The following PREB variants were observed in gnomAD, a reference collection of about 807,000 sequenced individuals.
The protein encoded by PREB is prolactin regulatory element binding.
In PREB, 29 loss-of-function variants were observed where a neutral mutation model predicts 46.7. The ratio of observed to expected loss-of-function variants is 0.62; its 90% confidence interval spans 0.46 to 0.85. The LOEUF is 0.85. Among genes scored for constraint, PREB ranks in the 40% least tolerant of loss-of-function variants. PREB has a pLI of 0.00. For missense variants in PREB, 494 were observed against 528.4 expected (o/e 0.93, Z 0.64); for synonymous variants, 224 against 220.1 (o/e 1.02, Z -0.16).
In PREB at chr2:27,132,140, C is replaced by T; in HGVS notation, c.927-58G>A. 6.2e-7 allele frequency: 1 copy of T among 1,609,406 alleles called. No individual in the cohort carries two copies. The highest frequency in any genetic ancestry group is 8.5e-7 in the Non-Finnish European group (1 of 1,175,762). On this transcript the variant is annotated intron_variant, in intron 6 of 8. Transcript: ENST00000260643. This position sits in a 1 kb window ranked among gnomAD's most constrained non-coding sequence, Gnocchi z 4.0. ...GAGGCTTGTGCAGCAACCCTCATAC[C>T]CCAATACCGGTCCGTAGGGACCCAG...
At chr2:27,131,567 G>C in intron 8 of PREB, 59 bp from the exon 9 acceptor site, 1 of 1,598,678 alleles carries the variant, frequency 6.3e-7, no homozygotes, top group Admixed American at 1.7e-5. Context: ...CTGAAAACCA[G>C]AACCCTTCAA....
In PREB at chr2:27,134,609, G is replaced by A. The variant is rs1322529907; in HGVS notation, c.-188C>T. 6.8e-6 allele frequency: 9 copies of A among 1,314,126 alleles called. No homozygotes were observed. Among genetic ancestry groups the A allele is most frequent in the Non-Finnish European group, 4.8e-6 (5 of 1,035,942 alleles). The allele number at this position is 1,314,126 out of a possible 1,614,324, so 81.4% of individuals were successfully genotyped here. A position where few individuals can be genotyped will look rare whatever the true frequency, so the allele number is the denominator to read the frequency against. ...GGAAGCCGAGCCTCAGCTCGGCTCC[G>A]TCCAAGTCGGTCTCGCAGACGCGCA... On this transcript the variant is annotated 5_prime_UTR_variant, in exon 1 of 9. In the 5' UTR this introduces an upstream ATG that the reference lacks. Transcript: ENST00000260643.
rs772342540 is a variant in PREB at position 27,131,748 on chromosome 2, G to A, written c.1083C>T (p.Leu361=). The part of the protein sequence containing the change: ...FLPEKGRGPE[L]LGSHETALFS... ...ACAGGGCAGTTTCATGGGACCCAAGGAGCTCTGGACCACGACCCTTCTCAG... is the reference window on the plus strand; with the variant it reads ...ACAGGGCAGTTTCATGGGACCCAAGAAGCTCTGGACCACGACCCTTCTCAG... Residue 361 remains leucine (L), a synonymous_variant, in exon 8 of 9, where the codon CTC becomes CTT. Transcript: ENST00000260643. 6.2e-7 allele frequency: 1 copy of A among 1,614,090 alleles called. No individual in the cohort carries two copies. Among genetic ancestry groups the A allele is most frequent in the Non-Finnish European group, 8.5e-7 (1 of 1,179,972 alleles).
Position 27,132,326 on chromosome 2 carries a change from G to A in PREB, c.830C>T (p.Pro277Leu). 1.9e-6 allele frequency: 3 copies of A among 1,614,112 alleles called. No individual in the cohort carries two copies. The highest frequency in any genetic ancestry group is 1.7e-6 in the Non-Finnish European group (2 of 1,179,996). Residue 277 changes from proline (P) to leucine (L), a missense_variant, in exon 6 of 9, where the codon CCC becomes CTC. Pro to Leu is a moderately conservative substitution (Grantham distance 98, BLOSUM62 -3). Coordinates refer to ENST00000260643, the MANE Select transcript of PREB (RefSeq NM_013388.6). The surrounding 1 kb of genome is among the most constrained non-coding windows in gnomAD (Gnocchi z 4.0). ...CCAGGCTGTGAGGTAGCAGGGAGGG[G>A]GCTGGCGCAGGCGCTTGTGGGGAAT... ...VQIPHKRLRQ[P>L]PPCYLTAWDG...
In PREB at chr2:27,133,270, T is replaced by C. The variant is rs1277158256; in HGVS notation, c.393A>G (p.Glu131=). 6.2e-7 allele frequency: 1 copy of C among 1,614,218 alleles called. No individual in the cohort carries two copies. The highest frequency in any genetic ancestry group is 1.7e-5 in the Admixed American group (1 of 60,026). ...TGAGTTCTAGCCCCTCGTGCTGGGT[T>C]TCCGCTCCACATTTCTTCTCTGCTG... ...AAPAEKKCGA[E]TQHEGLELRV... is the part of the protein sequence containing the mutation. The change falls in exon 3 of 9, where the codon GAA becomes GAG. Residue 131 remains glutamate, a synonymous_variant. Coordinates refer to ENST00000260643, the MANE Select transcript of PREB (RefSeq NM_013388.6).
rs768682536 is a variant in PREB, at chr2:27,131,482, G to A, written c.1186C>T (p.Leu396=). The change falls in exon 9 of 9, where the codon CTG becomes TTG. Residue 396 remains leucine (L), a synonymous_variant. Transcript: ENST00000260643. ...RRSVPVWLLL[L]LCVGLIIVTI... ...ACAATAATAAGCCCGACACACAGCA[G>A]GAGCAGGAGCCACACAGGAACACTC... 5.1e-6 allele frequency: 8 copies of A among 1,583,102 alleles called. No individual in the cohort carries two copies. In the Admixed American group the frequency reaches 1.3e-4, roughly 25 times the overall value.
chr2:27,131,576 AAAGGAGGAGTGGCAC>A, intron 8 of PREB, 68 bp from the exon 9 acceptor site: 1 of 1,596,876 alleles, frequency 6.3e-7, no homozygotes, highest in Non-Finnish European at 8.6e-7. Context: ...AGAACCCTTC[AAAGGAGGAGTGGCAC>A]AAAGAGCCCA....
In PREB at chr2:27,133,294, T is replaced by TG; in HGVS notation, c.368dup (p.Ala124SerfsTer29). The TG allele has an allele frequency of 6.2e-7, 1 of 1,614,236 alleles. No individual in the cohort carries two copies. The highest frequency in any genetic ancestry group is 8.5e-7 in the Non-Finnish European group (1 of 1,180,040). ...TTTCCGCTCCACATTTCTTCTCTGCTGGGGCTGCTCCCTTCCTTTGTCGAG... is the reference window on the plus strand; with the variant it reads ...TTTCCGCTCCACATTTCTTCTCTGCTGGGGGCTGCTCCCTTCCTTTGTCGAG... On this transcript the variant is annotated frameshift_variant, in exon 3 of 9. Coordinates refer to ENST00000260643, the MANE Select transcript of PREB (RefSeq NM_013388.6). LOFTEE classifies it high-confidence loss of function.
chr2:27,132,572 C>T lies in PREB; in HGVS notation c.752+31G>A, dbSNP rs767917828. 1.2e-6 allele frequency: 2 copies of T among 1,613,218 alleles called. No individual in the cohort carries two copies. Among genetic ancestry groups the T allele is most frequent in the East Asian group, 2.2e-5 (1 of 44,876 alleles). On this transcript the variant is annotated intron_variant, in intron 5 of 8. Coordinates refer to ENST00000260643, the MANE Select transcript of PREB (RefSeq NM_013388.6). This position sits in a 1 kb window ranked among gnomAD's most constrained non-coding sequence, Gnocchi z 4.0. ...CTCCCCCACCACAGCTGGGCTATGCCTCTTTCAGCCACCACCCAAAGTCTT... is the reference window on the plus strand; with the variant it reads ...CTCCCCCACCACAGCTGGGCTATGCTTCTTTCAGCCACCACCCAAAGTCTT...
At position 27,132,229 on chromosome 2, in the gene PREB, C is replaced by T; in HGVS notation, c.926+1G>A. ...CTAGCCAAGGCAGCAATGTCTCACA[C>T]CTGACATCGAGGCAGGAGACGACTT... On this transcript the variant is annotated splice_donor_variant, in intron 6 of 8. Transcript: ENST00000260643. LOFTEE classifies it high-confidence loss of function. This position sits in a 1 kb window ranked among gnomAD's most constrained non-coding sequence, Gnocchi z 4.0. 1.2e-6 allele frequency: 2 copies of T among 1,614,220 alleles called. No individual in the cohort carries two copies. The highest frequency in any genetic ancestry group is 1.7e-6 in the Non-Finnish European group (2 of 1,180,016).
Position 27,132,289 on chromosome 2 carries a change from G to A in PREB, c.867C>T (p.Asn289=). The change falls in exon 6 of 9, where the codon AAC becomes AAT. Residue 289 remains asparagine, a synonymous_variant. Transcript: ENST00000260643. This position sits in a 1 kb window ranked among gnomAD's most constrained non-coding sequence, Gnocchi z 4.0. ...AGGACTTGGTCCGAAGGGGCAAGAAGTTGGAGCCATCCCAGGCTGTGAGGT... is the reference window on the plus strand; with the variant it reads ...AGGACTTGGTCCGAAGGGGCAAGAAATTGGAGCCATCCCAGGCTGTGAGGT... ...PCYLTAWDGS[N]FLPLRTKSCG... 1 of 1,614,194 alleles carries A rather than the reference G, an allele frequency of 6.2e-7. No individual in the cohort carries two copies. The highest frequency in any genetic ancestry group is 8.5e-7 in the Non-Finnish European group (1 of 1,180,020).
At chr2:27,131,565 C>G in intron 8 of PREB, 57 bp from the exon 9 acceptor site, 1 of 1,598,406 alleles carries the variant, frequency 6.3e-7, no homozygotes, top group Non-Finnish European at 8.6e-7. Context: ...GCCTGAAAAC[C>G]AGAACCCTTC....
rs755250415 is a variant in PREB at position 27,132,015 on chromosome 2, G to T, written c.994C>A (p.Leu332Ile). 1.2e-6 allele frequency: 2 copies of T among 1,613,868 alleles called. No homozygotes were observed. The highest frequency in any genetic ancestry group is 8.5e-7 in the Non-Finnish European group (1 of 1,179,834). The change falls in exon 7 of 9, where the codon CTC (leucine) becomes ATC (isoleucine). Residue 332 changes from leucine (L) to isoleucine (I), a missense_variant. Physicochemically the swap from Leu to Ile is conservative, Grantham distance 5. Coordinates refer to ENST00000260643, the MANE Select transcript of PREB (RefSeq NM_013388.6). This position sits in a 1 kb window ranked among gnomAD's most constrained non-coding sequence, Gnocchi z 4.0. The part of the protein sequence containing the change: ...GSVAIYIAFS[L>I]QCLYYVREAH... ...TGCCAACCTCCACCCATTACCTGGA[G>T]AGAGAAAGCTATGTAGATGGCAACA...
rs764796180 is a variant in PREB, at chr2:27,132,774, T to C, written c.628-47A>G. The C allele has an allele frequency of 6.2e-7, 1 of 1,613,652 alleles. No homozygotes were observed. Among genetic ancestry groups the C allele is most frequent in the East Asian group, 2.2e-5 (1 of 44,876 alleles). ...AAGGATGGACAGTTAGGGGATCCAC[T>C]TACTGGGCAAGCAGCATAAGCACCT... is the stretch of plus-strand genomic sequence containing the variant. On this transcript the variant is annotated intron_variant, in intron 4 of 8. Transcript: ENST00000260643. The surrounding 1 kb of genome is among the most constrained non-coding windows in gnomAD (Gnocchi z 4.0).
chr2:27,133,063 A>G (rs927965741), intron 3 of PREB, 54 bp downstream of exon 3: 60 of 1,597,728 alleles, frequency 3.8e-5, no homozygotes, highest in Non-Finnish European at 4.8e-5. Flanking sequence ...ACTTCTCACA[A>G]TTTTGATCCT....
At position 27,131,281 on chromosome 2, in the gene PREB, G is replaced by T; in HGVS notation, c.*133C>A. The stretch of plus-strand genomic sequence containing the variant: ...GCCAAGCCTTTTCACTAGAAGGGCA[G>T]GCAGTGCCCATTCATCTTGTCAGCG... On this transcript the variant is annotated 3_prime_UTR_variant, in exon 9 of 9. Transcript: ENST00000260643. 1.3e-6 allele frequency: 1 copy of T among 791,940 alleles called. No homozygotes were observed. Among genetic ancestry groups the T allele is most frequent in the Non-Finnish European group, 2.1e-6 (1 of 480,234 alleles). The allele number at this position is 791,940 out of a possible 1,614,324, so 49.1% of individuals were successfully genotyped here.
In PREB at chr2:27,132,541, T is replaced by C; in HGVS notation, c.752+62A>G. 6.2e-7 allele frequency: 1 copy of C among 1,608,094 alleles called. No homozygotes were observed. The highest frequency in any genetic ancestry group is 8.5e-7 in the Non-Finnish European group (1 of 1,176,834). The stretch of plus-strand genomic sequence containing the variant: ...CCCCAGCTCTCCCATCCCCAGTCTT[T>C]TCCCTCTCCCCCACCACAGCTGGGC... On this transcript the variant is annotated intron_variant, in intron 5 of 8. Coordinates refer to ENST00000260643, the MANE Select transcript of PREB (RefSeq NM_013388.6). The surrounding 1 kb of genome is among the most constrained non-coding windows in gnomAD (Gnocchi z 4.0).
Position 27,131,720 on chromosome 2 carries a change from A to C in PREB, c.1111T>G (p.Ser371Ala). 6.2e-7 allele frequency: 1 copy of C among 1,614,198 alleles called. No homozygotes were observed. Among genetic ancestry groups the C allele is most frequent in the Non-Finnish European group, 8.5e-7 (1 of 1,180,020 alleles). The change falls in exon 8 of 9, where the codon TCT (serine) becomes GCT (alanine). Residue 371 changes from serine to alanine, a missense_variant. Coordinates refer to ENST00000260643, the MANE Select transcript of PREB (RefSeq NM_013388.6). ...LLGSHETALFSVAVDSRCQLH... is the reference protein window; with the variant it reads ...LLGSHETALFAVAVDSRCQLH... Reference sequence around the variant, plus strand: ...TGGCAACGACTGTCCACAGCCACAGAGAACAGGGCAGTTTCATGGGACCCA... The same window carrying C: ...TGGCAACGACTGTCCACAGCCACAGCGAACAGGGCAGTTTCATGGGACCCA...
Position 27,132,616 on chromosome 2 carries a change from A to G in PREB, c.739T>C (p.Tyr247His). The change falls in exon 5 of 9, where the codon TAC becomes CAC. Residue 247 changes from tyrosine (Y) to histidine (H), a missense_variant. Physicochemically the swap from Tyr to His is moderately conservative, Grantham distance 83. Coordinates refer to ENST00000260643, the MANE Select transcript of PREB (RefSeq NM_013388.6). This position sits in a 1 kb window ranked among gnomAD's most constrained non-coding sequence, Gnocchi z 4.0. ...AAGTCTTCACACCTGCAGGCCTGGT[A>G]GCGGTAAGGTGTGCTGGAAAAGGTG... is the stretch of plus-strand genomic sequence containing the variant. ...GPTFSSTPYR[Y>H]QACRFGQVPD... 6.2e-7 allele frequency: 1 copy of G among 1,614,066 alleles called. No homozygotes were observed. The highest frequency in any genetic ancestry group is 1.1e-5 in the South Asian group (1 of 91,074).
Sources: gnomAD v4.1 joint callset for allele counts on GRCh38, gnomAD v4.1.1 for gene constraint, Gnocchi (gnomAD v3.1) non-coding constraint, MANE v1.5 for transcripts, NCBI Gene and HGNC (gene_info 2026-07-23, HGNC 2026-07-21) for gene names.